Variants in CFAP46 observed in about 807,000 individuals in gnomAD.
CFAP46 encodes cilia- and flagella-associated protein 46.
CFAP46 carries 245 observed loss-of-function variants against 325.7 expected under a neutral mutation model. The ratio of observed to expected loss-of-function variants is 0.75; its 90% confidence interval spans 0.68 to 0.84. CFAP46 has a LOEUF of 0.84. CFAP46 is among the 40% of genes least tolerant of loss of function. CFAP46 has a pLI of 0.00. For synonymous variants in CFAP46, 1,523 were observed against 1,495.9 expected (o/e 1.02, Z -0.42); for missense variants, 3,346 against 3,543.0 (o/e 0.94, Z 1.41).
At chr10:132,885,332 G>T in intron 26 of CFAP46, 46 bp from the exon 27 acceptor site, 5 of 1,500,896 alleles carry the variant, frequency 3.3e-6, no homozygotes, top group Non-Finnish European at 4.5e-6. Context: ...TCGGGTGGCA[G>T]AATTTTAAAC....
rs1365585975 is a variant in CFAP46 at position 132,877,576 on chromosome 10, C to T, written c.4212+305G>A. 1.3e-5 allele frequency among the ~76,000 whole-genome samples: 2 copies of T among 152,226 alleles called. No homozygotes were observed. The highest frequency in any genetic ancestry group is 4.8e-5 in the African/African-American group (2 of 41,460). ...CGTGCATTACGTGGCTAGCTCCAGG[C>T]CCGGGATTCCTGCCAGGGACAAGCC... On this transcript the variant is annotated intron_variant, in intron 30 of 57. Coordinates refer to ENST00000368586, the MANE Select transcript of CFAP46 (RefSeq NM_001200049.3). This position sits in a 1 kb window ranked among gnomAD's most constrained non-coding sequence, Gnocchi z 5.7.
At chr10:132,890,295 T>C (rs543777377) in intron 25 of CFAP46, among the ~76,000 whole-genome samples, 1 of 152,242 alleles carries the variant, frequency 6.6e-6, no homozygotes, top group South Asian at 2.1e-4. Flanking sequence ...AGTGCCCTGA[T>C]CCACATCTCT....
Position 132,922,607 on chromosome 10 carries a change from G to T in CFAP46, c.1358C>A (p.Ala453Glu). 2 of 1,549,454 alleles carry T rather than the reference G, an allele frequency of 1.3e-6. No individual in the cohort carries two copies. Among genetic ancestry groups the T allele is most frequent in the Non-Finnish European group, 1.7e-6 (2 of 1,146,846 alleles). ...GTAGAGGCCCAGGCTGTCCAGGCGC[G>T]CGGCTTTCCGGAGGTGCTCCGTGGC... ...EPATEHLRKA[A>E]RLDSLGLYRD... is the part of the protein sequence containing the mutation. The change falls in exon 12 of 58, where the codon GCG becomes GAG. Residue 453 changes from alanine (A) to glutamate (E), a missense_variant. Coordinates refer to ENST00000368586, the MANE Select transcript of CFAP46 (RefSeq NM_001200049.3).
At chr10:132,814,803 G>A (rs1847660449) in intron 51 of CFAP46, 41 bp downstream of exon 51, 1 of 1,613,800 alleles carries the variant, frequency 6.2e-7, no homozygotes, top group South Asian at 1.1e-5. Context: ...ACCTCCCGCT[G>A]TGCCCACCAG....
At chr10:132,863,505 C>T (rs988507636) in intron 35 of CFAP46, among the ~76,000 whole-genome samples, 3 of 152,080 alleles carry the variant, frequency 2.0e-5, no homozygotes, top group Admixed American at 6.5e-5. Context: ...TATCAGAGAC[C>T]TGCACACACC....
rs199597200 is a variant in CFAP46, at chr10:132,821,424, G to T, written c.7118-6510C>A. Among the ~76,000 whole-genome samples, 31 of 132,392 alleles carry T rather than the reference G, an allele frequency of 2.3e-4. No individual in the cohort carries two copies. In the East Asian group the frequency reaches 2.4e-3, roughly 10 times the overall value. The allele number at this position is 132,392 out of a possible 152,430, so 86.9% of individuals were successfully genotyped here. A position where few individuals can be genotyped will look rare whatever the true frequency, so the allele number is the denominator to read the frequency against. ...GTGTGCTGTGTGCTGTGTGAGCGCT[G>T]ATGTGTGCTGTGTGAGTGCTGATGT... On this transcript the variant is annotated intron_variant, in intron 50 of 57. Coordinates refer to ENST00000368586, the MANE Select transcript of CFAP46 (RefSeq NM_001200049.3).
intron 19 of CFAP46, among the ~76,000 whole-genome samples, chr10:132,912,436 TCTC>T (rs1365190606): frequency 8.9e-6 from 1 of 112,838 alleles, no homozygotes; most frequent in East Asian, 2.6e-4. Flanking sequence ...CACCTCCCTC[TCTC>T]CTCTCCTCTC....
chr10:132,939,994 C>T lies in CFAP46; in HGVS notation c.371+1002G>A, dbSNP rs1482301844. ...TCACCCCCTGACCCGTCCACAGTGC[C>T]CCTGAGGGCCCTGGAGCAGAGCAGC... On this transcript the variant is annotated intron_variant, in intron 4 of 57. Transcript: ENST00000368586. The surrounding 1 kb of genome is among the most constrained non-coding windows in gnomAD (Gnocchi z 4.6). 4.6e-5 allele frequency among the ~76,000 whole-genome samples: 7 copies of T among 152,212 alleles called. No homozygotes were observed. The highest frequency in any genetic ancestry group is 1.7e-4 in the African/African-American group (7 of 41,466).
Position 132,859,258 on chromosome 10 carries a change from G to C in CFAP46, c.5199-11C>G. On this transcript the variant is annotated splice_polypyrimidine_tract_variant and intron_variant, in intron 37 of 57. Coordinates refer to ENST00000368586, the MANE Select transcript of CFAP46 (RefSeq NM_001200049.3). ...CGCAGGCTCAGGCACCTGACGGAGGGACGGTTTGGGGCCTGGAGTCAGAAG... is the reference window on the plus strand; with the variant it reads ...CGCAGGCTCAGGCACCTGACGGAGGCACGGTTTGGGGCCTGGAGTCAGAAG... 6.5e-7 allele frequency: 1 copy of C among 1,544,470 alleles called. No homozygotes were observed. Among genetic ancestry groups the C allele is most frequent in the Non-Finnish European group, 8.7e-7 (1 of 1,145,502 alleles).
intron 50 of CFAP46, among the ~76,000 whole-genome samples, chr10:132,829,128 G>C (rs1344268388): frequency 1.3e-5 from 2 of 148,548 alleles, no homozygotes; most frequent in African/African-American, 5.0e-5. Context: ...GACTAGAATT[G>C]TGTGGAATCT....
intron 50 of CFAP46, among the ~76,000 whole-genome samples, chr10:132,824,676 T>C (rs1847996865): frequency 9.9e-6 from 1 of 101,224 alleles, no homozygotes; most frequent in South Asian, 3.9e-4. Context: ...GTGTGCTGTG[T>C]GCTGATGTGT....
Position 132,885,358 on chromosome 10 carries a change from C to T in CFAP46, c.3444-72G>A, listed in dbSNP as rs1849106992. ...AATTTTAAACGTGGGTGATGCAGCCCGGACTTATTCCTCCACCTCCAGCTT... is the reference window on the plus strand; with the variant it reads ...AATTTTAAACGTGGGTGATGCAGCCTGGACTTATTCCTCCACCTCCAGCTT... On this transcript the variant is annotated intron_variant, in intron 26 of 57. Transcript: ENST00000368586. 6.5e-6 allele frequency: 9 copies of T among 1,388,834 alleles called. No homozygotes were observed. In the East Asian group the frequency reaches 1.0e-4, roughly 16 times the overall value. The allele number at this position is 1,388,834 out of a possible 1,614,324, so 86.0% of individuals were successfully genotyped here.
chr10:132,822,784 GTGTGTGCTGTGTGTGTGCTGA>G (rs1565036687), intron 50 of CFAP46, among the ~76,000 whole-genome samples: 1 of 99,766 alleles, frequency 1.0e-5, no homozygotes, highest in African/African-American at 3.7e-5. Flanking sequence ...GTGTGCACTT[GTGTGTGCTGTGTGTGTGCTGA>G]TGTGTGCTGT....
chr10:132,916,405 C>T (rs1327398736), intron 17 of CFAP46, 144 bp downstream of exon 17: 7 of 907,994 alleles, frequency 7.7e-6, no homozygotes, highest in East Asian at 3.0e-5. Flanking sequence ...CAGTCATTTA[C>T]GTGACGATGG....
At chr10:132,938,513 G>A (rs1001288257) in intron 5 of CFAP46, 76 bp downstream of exon 5, 166 of 1,407,350 alleles carry the variant, frequency 1.2e-4, no homozygotes, top group Non-Finnish European at 1.5e-4. Flanking sequence ...TCCCCCCCCC[G>A]GAGAAGGGGT....
chr10:132,810,278 T>C, intron 57 of CFAP46, 131 bp downstream of exon 57: 1 of 789,650 alleles, frequency 1.3e-6, no homozygotes, highest in Non-Finnish European at 2.2e-6. Flanking sequence ...CTAGTTAACG[T>C]CTGGAGTCCC....
rs1379825108 is a variant in CFAP46 at position 132,869,034 on chromosome 10, G to A, written c.4610+240C>T. Among the ~76,000 whole-genome samples, 1 of 152,206 alleles carries A rather than the reference G, an allele frequency of 6.6e-6. No individual in the cohort carries two copies. Among genetic ancestry groups the A allele is most frequent in the Admixed American group, 6.5e-5 (1 of 15,290 alleles). On this transcript the variant is annotated intron_variant, in intron 33 of 57. Coordinates refer to ENST00000368586, the MANE Select transcript of CFAP46 (RefSeq NM_001200049.3). This position sits in a 1 kb window ranked among gnomAD's most constrained non-coding sequence, Gnocchi z 6.2. ...CAGCCTTTCTGTCCTCCGGGGAGGG[G>A]CTCGGGCCACCCTGGAGAGCCCCCC...
At chr10:132,849,043 G>A (rs1001259096) in intron 41 of CFAP46, among the ~76,000 whole-genome samples, 1 of 152,242 alleles carries the variant, frequency 6.6e-6, no homozygotes, top group African/African-American at 2.4e-5. Context: ...TCTAAGGACA[G>A]CAAAAGGCAG....
chr10:132,909,847 A>C, intron 20 of CFAP46, 72 bp downstream of exon 20: 2 of 1,333,526 alleles, frequency 1.5e-6, no homozygotes, highest in Non-Finnish European at 1.9e-6. Flanking sequence ...GGGCCCCACC[A>C]CCCCCGGCTG....
Sources: allele counts gnomAD v4.1 joint callset (sites outside exome capture counted in the v4.1 genomes callset), GRCh38; gene constraint gnomAD v4.1.1; non-coding constraint Gnocchi (gnomAD v3.1); transcripts MANE v1.5; gene names NCBI Gene and HGNC (gene_info 2026-07-23, HGNC 2026-07-21).